GRIK2: variants seen among roughly 807,000 people sequenced by gnomAD.
The protein encoded by GRIK2 is glutamate ionotropic receptor kainate type subunit 2, also known as glutamate receptor ionotropic, kainate 2.
A neutral mutation model predicts 100.3 loss-of-function variants in GRIK2; 32 were observed. That is an observed-to-expected ratio of 0.32 (90% CI 0.24 to 0.43). The LOEUF (loss-of-function observed/expected upper bound fraction) is 0.43. GRIK2 is among the 20% of genes least tolerant of loss of function. The pLI, the probability that GRIK2 is intolerant of heterozygous loss-of-function variation, is 1.00. For missense variants in GRIK2, 843 were observed against 1,114.9 expected, an observed-to-expected ratio of 0.76 and a Z score of 3.47; for synonymous variants, 417 against 389.4, an observed-to-expected ratio of 1.07 and a Z score of -0.83.
chr6:101,669,252 A>G (rs1206477740), intron 4 of GRIK2, among the ~76,000 whole-genome samples: 3 of 152,198 alleles, frequency 2.0e-5, no homozygotes, highest in African/African-American at 7.2e-5. Flanking sequence ...TAAATAATTT[A>G]ACAATTTAAA....
At chr6:101,583,994 C>A (rs532154754) in intron 2 of GRIK2, among the ~76,000 whole-genome samples, 1 of 151,978 alleles carries the variant, frequency 6.6e-6, no homozygotes, top group Non-Finnish European at 1.5e-5. Flanking sequence ...ATATCATATA[C>A]CATCTGTCAT....
intron 15 of GRIK2, among the ~76,000 whole-genome samples, chr6:102,040,357 T>G: frequency 6.6e-6 from 1 of 151,668 alleles, no homozygotes; most frequent in Middle Eastern, 3.4e-3. Context: ...TTTAAAACAA[T>G]ATTATCTATG....
intron 12 of GRIK2, among the ~76,000 whole-genome samples, chr6:101,914,161 T>C (rs1788941592): frequency 6.6e-6 from 1 of 151,158 alleles, no homozygotes; most frequent in Admixed American, 6.6e-5. Flanking sequence ...TTGAAAAAAA[T>C]AGGCAATAAA....
At chr6:101,443,408 T>A (rs116041859) in intron 2 of GRIK2, among the ~76,000 whole-genome samples, 4 of 152,070 alleles carry the variant, frequency 2.6e-5, no homozygotes, top group Admixed American at 2.0e-4. Flanking sequence ...AAATACCTAG[T>A]GATTGATAGA....
chr6:101,956,529 C>T (rs1306593705), intron 14 of GRIK2, among the ~76,000 whole-genome samples: 2 of 151,916 alleles, frequency 1.3e-5, no homozygotes, highest in African/African-American at 2.4e-5. Context: ...TCCTCACTCC[C>T]TTCCCAACCT....
At chr6:101,476,349 T>G (rs916592715) in intron 2 of GRIK2, among the ~76,000 whole-genome samples, 17 of 152,126 alleles carry the variant, frequency 1.1e-4, no homozygotes, top group African/African-American at 4.1e-4. Flanking sequence ...TTTTTATTCA[T>G]TTTTGGAGGA....
At chr6:101,772,421 C>A (rs980351864) in intron 7 of GRIK2, among the ~76,000 whole-genome samples, 1 of 152,168 alleles carries the variant, frequency 6.6e-6, no homozygotes, top group African/African-American at 2.4e-5. Flanking sequence ...ACAACAGTTC[C>A]CACTGAAGAT....
intron 11 of GRIK2, among the ~76,000 whole-genome samples, chr6:101,859,962 T>C (rs775316688): frequency 6.6e-6 from 1 of 152,198 alleles, no homozygotes; most frequent in East Asian, 1.9e-4. Context: ...GGCCTTTTTT[T>C]AGAATTTAGT....
chr6:101,804,840 G>A (rs983903437), intron 9 of GRIK2, among the ~76,000 whole-genome samples: 8 of 151,712 alleles, frequency 5.3e-5, no homozygotes, highest in African/African-American at 1.7e-4. Context: ...AAGTTTAGTC[G>A]GTTCTTAAGA....
rs77064904 is a variant in GRIK2, at chr6:101,808,236, C to T, written c.1203+5798C>T. On this transcript the variant is annotated intron_variant, in intron 9 of 16. Transcript: ENST00000369134. ...ACAGCAAAAAGAGTTGGAAGAGTTCCACACAAAATGGGTTTAGACTGAGTT... is the reference window on the plus strand; with the variant it reads ...ACAGCAAAAAGAGTTGGAAGAGTTCTACACAAAATGGGTTTAGACTGAGTT... 7.8e-4 allele frequency among the ~76,000 whole-genome samples: 118 copies of T among 152,036 alleles called. 2 individuals are homozygous for T. In the East Asian group the frequency reaches 0.022, roughly 28 times the overall value.
intron 14 of GRIK2, among the ~76,000 whole-genome samples, chr6:102,006,390 A>ATATATATATTTT (rs1315524835): frequency 1.7e-4 from 19 of 114,096 alleles, no homozygotes; most frequent in African/African-American, 7.8e-4. Context: ...ATATATATAT[A>ATATATATATTTT]TTTTTTTTTT....
intron 15 of GRIK2, among the ~76,000 whole-genome samples, chr6:102,044,748 C>T (rs1278633675): frequency 6.6e-6 from 1 of 151,978 alleles, no homozygotes; most frequent in Non-Finnish European, 1.5e-5. Flanking sequence ...CTCTTCCCTA[C>T]ATCTAACCTG....
chr6:101,521,962 T>C (rs1774902194), intron 2 of GRIK2, among the ~76,000 whole-genome samples: 1 of 152,124 alleles, frequency 6.6e-6, no homozygotes, highest in South Asian at 2.1e-4. Context: ...GTTTTTCTAT[T>C]TAAAGAAATT....
chr6:101,435,463 C>T (rs1769662155), intron 2 of GRIK2, among the ~76,000 whole-genome samples: 3 of 151,636 alleles, frequency 2.0e-5, no homozygotes, highest in African/African-American at 7.3e-5. Flanking sequence ...CCCCCTTCCC[C>T]TCAATCCCCT....
intron 14 of GRIK2, among the ~76,000 whole-genome samples, chr6:101,989,204 A>G (rs1207523600): frequency 1.3e-5 from 2 of 151,908 alleles, no homozygotes; most frequent in South Asian, 4.1e-4. Flanking sequence ...TAAGGCATTT[A>G]GTATGCATAT....
intron 10 of GRIK2, among the ~76,000 whole-genome samples, chr6:101,839,265 C>T (rs906582542): frequency 1.3e-5 from 2 of 152,136 alleles, no homozygotes; most frequent in Non-Finnish European, 2.9e-5. Flanking sequence ...TTACTTTTCA[C>T]CAATCCTTGA....
At chr6:101,794,400 T>G (rs931966382) in intron 7 of GRIK2, among the ~76,000 whole-genome samples, 4 of 152,152 alleles carry the variant, frequency 2.6e-5, no homozygotes, top group African/African-American at 9.7e-5. Flanking sequence ...GTTGGGTCAT[T>G]AAAAAAATCC....
intron 14 of GRIK2, among the ~76,000 whole-genome samples, chr6:101,942,730 C>G (rs57280005): frequency 6.6e-6 from 1 of 151,944 alleles, no homozygotes; most frequent in African/African-American, 2.4e-5. Context: ...TGTGGCCTGG[C>G]TTCTACTAAC....
chr6:101,415,992 C>T (rs1776123198), intron 2 of GRIK2, among the ~76,000 whole-genome samples: 1 of 150,816 alleles, frequency 6.6e-6, no homozygotes, highest in Admixed American at 6.6e-5. Flanking sequence ...CTAGCATAAC[C>T]AGTCAATCAA....
Sources: gnomAD v4.1 joint callset for allele counts (sites outside exome capture counted in the v4.1 genomes callset) on GRCh38, gnomAD v4.1.1 for gene constraint, MANE v1.5 for transcripts, NCBI Gene and HGNC (gene_info 2026-07-23, HGNC 2026-07-21) for gene names.